The following ODAD2 variants were observed in gnomAD, a reference collection of about 807,000 sequenced individuals.
The protein encoded by ODAD2 is outer dynein arm-docking complex subunit 2.
A neutral mutation model predicts 106.8 loss-of-function variants in ODAD2; 89 were observed. The observed-to-expected ratio is 0.83, with a 90% CI of 0.70 to 0.99. The LOEUF is 0.99. ODAD2 is among the 50% of genes least tolerant of loss of function. The pLI is 0.00. For synonymous variants in ODAD2, 404 were observed against 436.2 expected (o/e 0.93, Z 0.92); for missense variants, 1,168 against 1,238.5 (o/e 0.94, Z 0.85).
chr10:27,859,450 T>C (rs1839889575), intron 19 of ODAD2, among the ~76,000 whole-genome samples: 1 of 152,166 alleles, frequency 6.6e-6, no homozygotes, highest in African/African-American at 2.4e-5. Flanking sequence ...GCCTCAAAAA[T>C]TGCCAATTGG....
At position 27,961,587 on chromosome 10, in the gene ODAD2, T is replaced by C. The variant is rs1487988680; in HGVS notation, c.1367A>G (p.Lys456Arg). 4 of 1,611,400 alleles carry C rather than the reference T, an allele frequency of 2.5e-6. No homozygotes were observed. Among genetic ancestry groups the C allele is most frequent in the Non-Finnish European group, 3.4e-6 (4 of 1,179,094 alleles). Residue 456 changes from lysine to arginine, a missense_variant, in exon 10 of 20, where the codon AAG becomes AGG. This residue lies in a region of ODAD2 where 37 missense variants were observed against 74.1 expected (regional missense o/e 0.50). Coordinates refer to ENST00000305242, the MANE Select transcript of ODAD2 (RefSeq NM_018076.5). ...TCTTACCTTTAAATATTTCACCAGC[T>C]TCTGAATTTGCCAATATTCTGATGG... ...DLPSEYWQIQ[K>R]LVKYLKGGNQ...
chr10:27,989,209 G>T (rs553668959), intron 2 of ODAD2, among the ~76,000 whole-genome samples: 31 of 152,260 alleles, frequency 2.0e-4, no homozygotes, highest in African/African-American at 6.5e-4. Context: ...ATTAGGTTTG[G>T]GGCAATGTGT....
intron 16 of ODAD2, among the ~76,000 whole-genome samples, chr10:27,920,862 A>G (rs74421042): frequency 0.036 from 4,590 of 127,756 alleles, 119 homozygotes; most frequent in South Asian, 0.14. Flanking sequence ...GTAAAAACTG[A>G]AAAAAAAAAA....
chr10:27,937,395 T>C (rs1846069893), intron 14 of ODAD2, among the ~76,000 whole-genome samples: 1 of 150,220 alleles, frequency 6.7e-6, no homozygotes, highest in African/African-American at 2.5e-5. Flanking sequence ...TGGAGTGCAG[T>C]GGCATGATCT....
chr10:27,940,280 G>T (rs1355171562), intron 13 of ODAD2, among the ~76,000 whole-genome samples: 1 of 148,984 alleles, frequency 6.7e-6, no homozygotes, highest in African/African-American at 2.6e-5. Flanking sequence ...ATATATAAAT[G>T]CCAGTATATA....
At chr10:27,829,415 T>C (rs1414510049) in intron 19 of ODAD2, among the ~76,000 whole-genome samples, 6 of 152,200 alleles carry the variant, frequency 3.9e-5, no homozygotes, top group African/African-American at 1.4e-4. Flanking sequence ...AAGGCCTCCT[T>C]GGCCTTTCCT....
intron 16 of ODAD2, among the ~76,000 whole-genome samples, chr10:27,911,503 A>G (rs1162527677): frequency 6.6e-6 from 1 of 152,204 alleles, no homozygotes; most frequent in African/African-American, 2.4e-5. Context: ...TAAACAGACC[A>G]TTATAATCTG....
intron 19 of ODAD2, among the ~76,000 whole-genome samples, chr10:27,841,598 G>T (rs551945554): frequency 9.9e-5 from 15 of 151,790 alleles, no homozygotes; most frequent in Non-Finnish European, 1.9e-4. Context: ...GTTTCACCAT[G>T]TTGGCCAGGC....
At chr10:27,830,521 T>C (rs1318348586) in intron 19 of ODAD2, among the ~76,000 whole-genome samples, 1 of 152,220 alleles carries the variant, frequency 6.6e-6, no homozygotes, top group Non-Finnish European at 1.5e-5. Flanking sequence ...AGAGAGTTTT[T>C]CAGCCAAATC....
chr10:27,942,010 G>T (rs1289146877), intron 12 of ODAD2, among the ~76,000 whole-genome samples: 1 of 152,172 alleles, frequency 6.6e-6, no homozygotes, highest in Non-Finnish European at 1.5e-5. Context: ...ACGGGGATGG[G>T]GTATGGAGGC....
intron 19 of ODAD2, among the ~76,000 whole-genome samples, chr10:27,818,776 G>A (rs908383694): frequency 7.2e-5 from 11 of 152,080 alleles, no homozygotes; most frequent in African/African-American, 2.7e-4. Flanking sequence ...GGTCATTGTT[G>A]CTTTTTAAAT....
Position 27,981,571 on chromosome 10 carries a change from ATC to A in ODAD2, c.829_830del (p.Asp277Ter). 6.5e-7 allele frequency: 1 copy of A among 1,544,514 alleles called. No homozygotes were observed. The highest frequency in any genetic ancestry group is 8.6e-7 in the Non-Finnish European group (1 of 1,157,874). On this transcript the variant is annotated frameshift_variant, in exon 7 of 20. Coordinates refer to ENST00000305242, the MANE Select transcript of ODAD2 (RefSeq NM_018076.5). LOFTEE classifies it high-confidence loss of function. ...GGVFLNGGKT[D>X]DEGDVNYERK... Reference sequence around the variant, plus strand: ...TCTCATAATTAACGTCCCCTTCATCATCTGTTTTGCCCTTTGGGAAAAAACAA... The same window carrying A: ...TCTCATAATTAACGTCCCCTTCATCATGTTTTGCCCTTTGGGAAAAAACAA...
intron 2 of ODAD2, among the ~76,000 whole-genome samples, chr10:27,989,936 C>T (rs900091296): frequency 2.0e-5 from 3 of 152,154 alleles, no homozygotes; most frequent in Admixed American, 2.0e-4. Flanking sequence ...TTCAGGCTCA[C>T]AGTTTCTAAC....
chr10:27,826,131 T>C (rs1564400559), intron 19 of ODAD2, among the ~76,000 whole-genome samples: 1 of 152,138 alleles, frequency 6.6e-6, no homozygotes, highest in Non-Finnish European at 1.5e-5. Context: ...AAATTCCAGG[T>C]TCTGGAGGAC....
At chr10:27,815,117 A>G (rs1836028748) in intron 19 of ODAD2, among the ~76,000 whole-genome samples, 1 of 152,202 alleles carries the variant, frequency 6.6e-6, no homozygotes, top group Admixed American at 6.5e-5. Flanking sequence ...AACGGCAACC[A>G]TGCCAGCGTC....
chr10:27,993,968 A>ATG (rs1365629219), intron 2 of ODAD2, among the ~76,000 whole-genome samples: 1 of 109,750 alleles, frequency 9.1e-6, no homozygotes, highest in East Asian at 2.7e-4. Context: ...AAATATATAT[A>ATG]TATATATGTG....
intron 9 of ODAD2, among the ~76,000 whole-genome samples, chr10:27,965,867 C>T (rs562324755): frequency 6.6e-6 from 1 of 152,268 alleles, no homozygotes; most frequent in East Asian, 1.9e-4. Flanking sequence ...CCTCATCGCT[C>T]TAGAAGTTTC....
chr10:27,870,935 C>T (rs1056128052), intron 17 of ODAD2, among the ~76,000 whole-genome samples: 2 of 152,218 alleles, frequency 1.3e-5, no homozygotes, highest in African/African-American at 4.8e-5. Context: ...GCCACACTGT[C>T]TTCCACAATG....
chr10:27,919,706 G>A (rs1005885161), intron 16 of ODAD2, among the ~76,000 whole-genome samples: 4 of 152,064 alleles, frequency 2.6e-5, no homozygotes, highest in Admixed American at 2.6e-4. Flanking sequence ...TCACTTTTGT[G>A]TACTATTTGG....
Sources: allele counts gnomAD v4.1 joint callset (sites outside exome capture counted in the v4.1 genomes callset), GRCh38; gene constraint gnomAD v4.1.1; regional missense constraint gnomAD v4.1.1; transcripts MANE v1.5; gene names NCBI Gene and HGNC (gene_info 2026-07-23, HGNC 2026-07-21).